Variants in KIF6 observed in about 807,000 individuals in gnomAD.
KIF6 encodes the protein kinesin-like protein KIF6.
A neutral mutation model predicts 112.7 loss-of-function variants in KIF6; 106 were observed. That is an observed-to-expected ratio of 0.94 (90% confidence interval 0.80 to 1.11). The LOEUF (loss-of-function observed/expected upper bound fraction) is 1.11, where lower values mean the gene tolerates loss of function less well. KIF6 is among the 50% of genes least tolerant of loss of function. The pLI, the probability that KIF6 is intolerant of heterozygous loss-of-function variation, is 0.00. For missense variants in KIF6, 929 were observed against 964.0 expected (o/e 0.96, Z 0.48); for synonymous variants, 339 against 339.9 (o/e 1.00, Z 0.03).
intron 13 of KIF6, among the ~76,000 whole-genome samples, chr6:39,538,991 C>A (rs1778620899): frequency 1.4e-5 from 2 of 147,838 alleles, no homozygotes; most frequent in Admixed American, 1.4e-4. Context: ...ACTGCATGTT[C>A]TCACTCATAG....
chr6:39,723,066 A>T (rs1487441969), intron 1 of KIF6, among the ~76,000 whole-genome samples: 2 of 152,216 alleles, frequency 1.3e-5, no homozygotes, highest in Non-Finnish European at 2.9e-5. Flanking sequence ...AGATAAGCTC[A>T]ACAGTTTAAG....
intron 13 of KIF6, among the ~76,000 whole-genome samples, chr6:39,485,617 G>A (rs1482472767): frequency 1.3e-5 from 2 of 152,076 alleles, no homozygotes; most frequent in Non-Finnish European, 2.9e-5. Flanking sequence ...CCATTCTTCT[G>A]CCTTTCCCCA....
intron 5 of KIF6, among the ~76,000 whole-genome samples, chr6:39,625,136 G>A (rs1163838502): frequency 6.8e-6 from 1 of 147,560 alleles, no homozygotes; most frequent in Admixed American, 6.8e-5. Context: ...CCTTGATCTT[G>A]GACTTCCCAG....
chr6:39,497,062 TGCAGCTCCTCTGTGGGGCA>T (rs2150485260), intron 13 of KIF6, among the ~76,000 whole-genome samples: 1 of 152,352 alleles, frequency 6.6e-6, no homozygotes, highest in East Asian at 1.9e-4. Context: ...TGTGGCCATG[TGCAGCTCCTCTGTGGGGCA>T]GCAGCTGGAC....
At chr6:39,638,275 G>A (rs1270018421) in intron 4 of KIF6, among the ~76,000 whole-genome samples, 1 of 152,026 alleles carries the variant, frequency 6.6e-6, no homozygotes, top group East Asian at 1.9e-4. Context: ...TAAGACTGAG[G>A]CATTAAGTAA....
intron 10 of KIF6, among the ~76,000 whole-genome samples, chr6:39,568,756 G>A (rs1780468559): frequency 6.6e-6 from 1 of 151,898 alleles, no homozygotes; most frequent in Non-Finnish European, 1.5e-5. Context: ...TCACCATGTT[G>A]GCCAGGCTGG....
intron 22 of KIF6, among the ~76,000 whole-genome samples, chr6:39,339,764 CTGGCAG>C (rs986364699): frequency 1.3e-5 from 2 of 152,194 alleles, no homozygotes; most frequent in African/African-American, 4.8e-5. Context: ...ACGCCTGCCC[CTGGCAG>C]GGATTTAAAC....
chr6:39,613,370 T>A, intron 5 of KIF6, 52 bp from the exon 6 acceptor site: 1 of 1,473,750 alleles, frequency 6.8e-7, no homozygotes, highest in Non-Finnish European at 9.1e-7. Flanking sequence ...TGAAAAGAAC[T>A]TGAAGTCTTC....
At chr6:39,534,587 T>C (rs923129705) in intron 13 of KIF6, among the ~76,000 whole-genome samples, 24 of 152,224 alleles carry the variant, frequency 1.6e-4, no homozygotes, top group African/African-American at 5.8e-4. Context: ...TACGTCTGAT[T>C]GGTGTACCTA....
rs1167598710 is a variant in KIF6, at chr6:39,342,191, G to A, written c.2428+1518C>T. On this transcript the variant is annotated intron_variant, in intron 22 of 22. Coordinates refer to ENST00000287152, the MANE Select transcript of KIF6 (RefSeq NM_145027.6). This position sits in a 1 kb window ranked among gnomAD's most constrained non-coding sequence, Gnocchi z 4.7. ...GGACTGTGCATTCCCAGAACGCGGC[G>A]TAGCTGCTCCATTCTCATGATGCAG... 1.3e-5 allele frequency among the ~76,000 whole-genome samples: 2 copies of A among 152,172 alleles called. No homozygotes were observed. The highest frequency in any genetic ancestry group is 4.8e-5 in the African/African-American group (2 of 41,438).
intron 13 of KIF6, among the ~76,000 whole-genome samples, chr6:39,477,131 T>C (rs1774474577): frequency 6.6e-6 from 1 of 152,100 alleles, no homozygotes; most frequent in Admixed American, 6.6e-5. Flanking sequence ...ACCTCACTCA[T>C]AATATGAGAA....
chr6:39,529,683 AG>A (rs1777931721), intron 13 of KIF6, among the ~76,000 whole-genome samples: 1 of 152,094 alleles, frequency 6.6e-6, no homozygotes, highest in Non-Finnish European at 1.5e-5. Context: ...GCTACTTGGG[AG>A]GGTGAGGCAG....
At chr6:39,534,297 G>C (rs1335807447) in intron 13 of KIF6, among the ~76,000 whole-genome samples, 1 of 152,184 alleles carries the variant, frequency 6.6e-6, no homozygotes, top group Admixed American at 6.5e-5. Context: ...CAAAGGCAAA[G>C]AAGTTAATAA....
At position 39,378,449 on chromosome 6, in the gene KIF6, T is replaced by C. The variant is rs983281183; in HGVS notation, c.1861+7173A>G. Among the ~76,000 whole-genome samples, 7 of 151,752 alleles carry C rather than the reference T, an allele frequency of 4.6e-5. No individual in the cohort carries two copies. The highest frequency in any genetic ancestry group is 1.3e-4 in the Admixed American group (2 of 15,242). On this transcript the variant is annotated intron_variant, in intron 16 of 22. Coordinates refer to ENST00000287152, the MANE Select transcript of KIF6 (RefSeq NM_145027.6). This position sits in a 1 kb window ranked among gnomAD's most constrained non-coding sequence, Gnocchi z 5.0. Reference sequence around the variant, plus strand: ...GCATACAACATATATCCATACCACATACACACACACCACATGCCGCATATA... The same window carrying C: ...GCATACAACATATATCCATACCACACACACACACACCACATGCCGCATATA...
At chr6:39,628,269 T>C (rs770347030) in intron 5 of KIF6, among the ~76,000 whole-genome samples, 4 of 152,080 alleles carry the variant, frequency 2.6e-5, no homozygotes, top group Non-Finnish European at 5.9e-5. Context: ...TGTGTGTGTA[T>C]ACATTTTAGT....
chr6:39,618,602 C>T (rs1436563280), intron 5 of KIF6, among the ~76,000 whole-genome samples: 2 of 152,154 alleles, frequency 1.3e-5, no homozygotes, highest in Non-Finnish European at 2.9e-5. Flanking sequence ...GACCCAAGGC[C>T]ATGCCAGACT....
Position 39,336,278 on chromosome 6 carries a change from C to T in KIF6, c.*254G>A, listed in dbSNP as rs1762908749. The T allele has an allele frequency of 1.9e-6, 1 of 538,980 alleles. No individual in the cohort carries two copies. 33.4% of individuals were successfully genotyped at this position (538,980 alleles called of 1,614,324 possible). ...AAGCCTTCACCCTGCCCCTAGCACT[C>T]TGGCCTTGCCTGGCCCTGCCAGCAG... is the stretch of plus-strand genomic sequence containing the variant. On this transcript the variant is annotated 3_prime_UTR_variant, in exon 23 of 23. Transcript: ENST00000287152.
At chr6:39,407,986 T>A (rs1252221470) in intron 15 of KIF6, among the ~76,000 whole-genome samples, 1 of 152,072 alleles carries the variant, frequency 6.6e-6, no homozygotes. Context: ...TTAAAACAAG[T>A]GACAGACTGG....
intron 6 of KIF6, among the ~76,000 whole-genome samples, chr6:39,609,754 T>C (rs1332701505): frequency 1.3e-5 from 2 of 152,294 alleles, no homozygotes; most frequent in East Asian, 3.9e-4. Context: ...CCTGCTTGGT[T>C]TTTTTTGCCT....
Sources: allele counts gnomAD v4.1 joint callset (sites outside exome capture counted in the v4.1 genomes callset), GRCh38; gene constraint gnomAD v4.1.1; non-coding constraint Gnocchi (gnomAD v3.1); transcripts MANE v1.5; gene names NCBI Gene and HGNC (gene_info 2026-07-23, HGNC 2026-07-21).